Variants in TRPM6 observed in about 807,000 individuals in gnomAD.
The protein encoded by TRPM6 is transient receptor potential cation channel subfamily M member 6, also known as channel kinase 2.
TRPM6 carries 111 observed loss-of-function variants against 247.6 expected under a neutral mutation model. That is an observed-to-expected ratio of 0.45 (90% CI 0.38 to 0.52). The LOEUF is 0.52. Ranked by LOEUF, TRPM6 falls within the 20% of genes least tolerant of loss-of-function variation. TRPM6 has a pLI of 0.00. For missense variants in TRPM6, 2,126 were observed against 2,421.5 expected (o/e 0.88, Z 2.56); for synonymous variants, 892 against 853.8 (o/e 1.04, Z -0.78).
chr9:74,747,174 C>G (rs1826077653), intron 31 of TRPM6, among the ~76,000 whole-genome samples: 1 of 152,196 alleles, frequency 6.6e-6, no homozygotes. Flanking sequence ...ATGTTAATTG[C>G]TCTTTCAATT....
intron 12 of TRPM6, among the ~76,000 whole-genome samples, chr9:74,811,648 A>G (rs1828733686): frequency 6.6e-6 from 1 of 152,246 alleles, no homozygotes; most frequent in Non-Finnish European, 1.5e-5. Context: ...ATGTTTTACT[A>G]GGATAAAATA....
chr9:74,869,267 G>A (rs956910995), intron 1 of TRPM6, among the ~76,000 whole-genome samples: 2 of 151,842 alleles, frequency 1.3e-5, no homozygotes, highest in African/African-American at 2.4e-5. Flanking sequence ...TCAGGAGATC[G>A]AGACCATCCT....
intron 1 of TRPM6, among the ~76,000 whole-genome samples, chr9:74,877,741 C>T (rs770866676): frequency 6.6e-6 from 1 of 152,168 alleles, no homozygotes; most frequent in Admixed American, 6.5e-5. Flanking sequence ...TTTAAAGCCA[C>T]CAGCTGGAGC....
intron 1 of TRPM6, among the ~76,000 whole-genome samples, chr9:74,865,422 G>C (rs1320718817): frequency 6.6e-6 from 1 of 152,196 alleles, no homozygotes; most frequent in Non-Finnish European, 1.5e-5. Context: ...TTCAGATCTT[G>C]TTAAATCATT....
rs148375427 is a variant in TRPM6 at position 74,812,418 on chromosome 9, G to T, written c.1324C>A (p.Gln442Lys). The T allele has an allele frequency of 7.4e-6, 12 of 1,613,974 alleles. No homozygotes were observed. Among genetic ancestry groups the T allele is most frequent in the Non-Finnish European group, 1.0e-5 (12 of 1,179,938 alleles). Reference sequence around the variant, plus strand: ...ATCACTAAAGCATCTGACATTGCTTGTTCCAGGGCATCAGGCTTCAGAAAG... The same window carrying T: ...ATCACTAAAGCATCTGACATTGCTTTTTCCAGGGCATCAGGCTTCAGAAAG... ...EQHWKPDALE[Q>K]AMSDALVMDR... Residue 442 changes from glutamine (Q) to lysine (K), a missense_variant, in exon 12 of 39, where the codon CAA (glutamine) becomes AAA (lysine). Transcript: ENST00000360774.
intron 9 of TRPM6, among the ~76,000 whole-genome samples, chr9:74,818,513 G>A (rs929376011): frequency 1.3e-5 from 2 of 151,954 alleles, no homozygotes; most frequent in Non-Finnish European, 1.5e-5. Flanking sequence ...ATGTTGGCCA[G>A]GCTGGTCTCA....
At chr9:74,787,399 C>T (rs760411281) in intron 20 of TRPM6, among the ~76,000 whole-genome samples, 3 of 151,560 alleles carry the variant, frequency 2.0e-5, no homozygotes, top group Non-Finnish European at 4.4e-5. Context: ...AGAAAATACC[C>T]CTGAAACACC....
chr9:74,764,093 C>A (rs771118175), intron 25 of TRPM6, among the ~76,000 whole-genome samples: 55 of 147,710 alleles, frequency 3.7e-4, no homozygotes, highest in Non-Finnish European at 6.5e-4. Context: ...CACTGCACTC[C>A]AGCCTGGGCG....
intron 11 of TRPM6, 89 bp downstream of exon 11, chr9:74,816,580 T>A: frequency 9.8e-7 from 1 of 1,021,814 alleles, no homozygotes; most frequent in South Asian, 1.3e-5. Flanking sequence ...ACCAAACCAA[T>A]CAATATCTCC....
chr9:74,848,095 G>T (rs1043655736), intron 3 of TRPM6, among the ~76,000 whole-genome samples: 2 of 152,178 alleles, frequency 1.3e-5, no homozygotes, highest in Non-Finnish European at 2.9e-5. Flanking sequence ...AAACTGGCAT[G>T]AATTTCTTTT....
intron 13 of TRPM6, among the ~76,000 whole-genome samples, chr9:74,809,975 TC>T (rs1477803943): frequency 1.3e-4 from 4 of 31,742 alleles, no homozygotes; most frequent in Non-Finnish European, 1.9e-4. Context: ...AAACTCCATC[TC>T]AAAAAAAAAA....
At chr9:74,782,341 T>C in intron 23 of TRPM6, 21 bp downstream of exon 23, 1 of 1,543,860 alleles carries the variant, frequency 6.5e-7, no homozygotes, top group South Asian at 1.1e-5. Flanking sequence ...TAAATAATCA[T>C]ATTTAATTGA....
At chr9:74,789,251 T>C (rs1827806601) in intron 19 of TRPM6, among the ~76,000 whole-genome samples, 1 of 152,248 alleles carries the variant, frequency 6.6e-6, no homozygotes, top group Non-Finnish European at 1.5e-5. Context: ...TGTGTCCAAC[T>C]GTGAGCCCTT....
intron 24 of TRPM6, among the ~76,000 whole-genome samples, chr9:74,773,788 CA>C (rs1338127132): frequency 6.6e-6 from 1 of 152,134 alleles, no homozygotes; most frequent in Admixed American, 6.5e-5. Flanking sequence ...AAATTGAAAA[CA>C]TGGCTAAAAG....
chr9:74,816,180 T>C (rs1398620056), intron 11 of TRPM6, among the ~76,000 whole-genome samples: 1 of 152,016 alleles, frequency 6.6e-6, no homozygotes, highest in Non-Finnish European at 1.5e-5. Context: ...TAACAAGTCG[T>C]TGTCTCAAAT....
intron 17 of TRPM6, chr9:74,799,865 A>T (rs1167813701): frequency 3.6e-6 from 1 of 281,440 alleles, no homozygotes; most frequent in Non-Finnish European, 6.9e-6. Flanking sequence ...AAGACCCCAG[A>T]TCTTCTGTGA....
chr9:74,852,426 C>T (rs1050631060), intron 3 of TRPM6, among the ~76,000 whole-genome samples: 1 of 148,464 alleles, frequency 6.7e-6, no homozygotes, highest in East Asian at 2.0e-4. Flanking sequence ...CGCTCCCTCT[C>T]CCGCTCCCTC....
At chr9:74,801,796 T>G in intron 16 of TRPM6, 102 bp downstream of exon 16, 1 of 1,421,164 alleles carries the variant, frequency 7.0e-7, no homozygotes, top group Non-Finnish European at 9.8e-7. Flanking sequence ...TGCATGGCGG[T>G]AAGTCCATTT....
At chr9:74,732,760 T>C in intron 36 of TRPM6, 24 bp from the exon 37 acceptor site, 1 of 1,579,408 alleles carries the variant, frequency 6.3e-7, no homozygotes, top group South Asian at 1.1e-5. Flanking sequence ...ACAAAATTCG[T>C]TTAGCAAATG....
Sources: gnomAD v4.1 joint callset for allele counts (sites outside exome capture counted in the v4.1 genomes callset) on GRCh38, gnomAD v4.1.1 for gene constraint, MANE v1.5 for transcripts, NCBI Gene and HGNC (gene_info 2026-07-23, HGNC 2026-07-21) for gene names.